SDSL: variants seen among roughly 807,000 people sequenced by gnomAD.
The protein encoded by SDSL is serine dehydratase-like.
Under a neutral mutation model 27.6 loss-of-function variants are expected in SDSL, and 26 were observed. The observed-to-expected ratio is 0.94, with a 90% CI of 0.69 to 1.31. SDSL has a LOEUF of 1.31. SDSL is among the 50% of genes most tolerant of loss of function. SDSL has a pLI of 0.00. For synonymous variants in SDSL, 196 were observed against 180.6 expected (o/e 1.09, Z -0.69); for missense variants, 431 against 423.5 (o/e 1.02, Z -0.16).
chr12:113,436,352 G>C (rs150708149), intron 6 of SDSL, among the ~76,000 whole-genome samples: 2,276 of 151,420 alleles, frequency 0.015, 57 homozygotes, highest in African/African-American at 0.053. Flanking sequence ...GCAATGGCGC[G>C]ATCTCAGCTC....
intron 1 of SDSL, chr12:113,425,548 G>C (rs1018975590): frequency 2.4e-6 from 1 of 411,344 alleles, no homozygotes; most frequent in Non-Finnish European, 4.8e-6. Context: ...GAATGGTGGG[G>C]ACCGGCCCAG....
chr12:113,429,207 A>T lies in SDSL; in HGVS notation c.262A>T (p.Ile88Phe). 1 of 1,613,882 alleles carries T rather than the reference A, an allele frequency of 6.2e-7. No individual in the cohort carries two copies. Among genetic ancestry groups the T allele is most frequent in the Non-Finnish European group, 8.5e-7 (1 of 1,179,890 alleles). ...AAAYAARKLG[I>F]PATIVLPEST... Reference sequence around the variant, plus strand: ...TGCCTATGCTGCTAGGAAGCTGGGCATTCCTGCCACCATCGTGCTCCCCGA... The same window carrying T: ...TGCCTATGCTGCTAGGAAGCTGGGCTTTCCTGCCACCATCGTGCTCCCCGA... The change falls in exon 4 of 8, where the codon ATT becomes TTT. Residue 88 changes from isoleucine (I) to phenylalanine (F), a missense_variant. By Grantham distance (21) the Ile-to-Phe change is conservative (BLOSUM62 0). Transcript: ENST00000403593.
rs1426903827 is a variant in SDSL, at chr12:113,437,575, A to T, written c.797-311A>T. ...AAATGATGGATAGAGGAATGGATGG[A>T]TGGCTATGAATGGGTGGATGGATGG... On this transcript the variant is annotated intron_variant, in intron 7 of 7. Coordinates refer to ENST00000403593, the MANE Select transcript of SDSL (RefSeq NM_001304993.2). Among the ~76,000 whole-genome samples, 3 of 152,130 alleles carry T rather than the reference A, an allele frequency of 2.0e-5. No individual in the cohort carries two copies. In the East Asian group the frequency reaches 5.8e-4, roughly 29 times the overall value.
chr12:113,423,719 G>C (rs1325359361), intron 1 of SDSL, among the ~76,000 whole-genome samples: 3 of 152,118 alleles, frequency 2.0e-5, no homozygotes, highest in Non-Finnish European at 2.9e-5. Context: ...TCCAGCCCAG[G>C]CAACAGAGTG....
intron 6 of SDSL, among the ~76,000 whole-genome samples, chr12:113,436,494 G>T (rs538658469): frequency 6.6e-6 from 1 of 152,142 alleles, no homozygotes; most frequent in Non-Finnish European, 1.5e-5. Context: ...CACCATGTTG[G>T]TCAGGCTGGT....
chr12:113,438,123 C>A lies in SDSL; in HGVS notation c.*44C>A. ...CAAAGACCCCTGAGAGGCCCATGGA[C>A]AGTCCTGTGTCTGGATGAGGAGGAC... On this transcript the variant is annotated 3_prime_UTR_variant, in exon 8 of 8. Transcript: ENST00000403593. The A allele has an allele frequency of 6.6e-7, 1 of 1,523,914 alleles. No individual in the cohort carries two copies. Among genetic ancestry groups the A allele is most frequent in the Non-Finnish European group, 9.0e-7 (1 of 1,113,116 alleles). 94.4% of individuals were successfully genotyped at this position (1,523,914 alleles called of 1,614,324 possible). A position where few individuals can be genotyped will look rare whatever the true frequency, so the allele number is the denominator to read the frequency against.
chr12:113,436,145 C>T (rs534846602), intron 6 of SDSL, among the ~76,000 whole-genome samples: 5 of 152,074 alleles, frequency 3.3e-5, no homozygotes, highest in Non-Finnish European at 5.9e-5. Flanking sequence ...CCAAACCCCC[C>T]AAAAGCCAAT....
chr12:113,423,849 A>G (rs1331085239), intron 1 of SDSL, among the ~76,000 whole-genome samples: 1 of 152,082 alleles, frequency 6.6e-6, no homozygotes, highest in Non-Finnish European at 1.5e-5. Flanking sequence ...TTTCACCAAA[A>G]AGGAAGAGAG....
chr12:113,430,727 G>T (rs544104670), intron 4 of SDSL, among the ~76,000 whole-genome samples: 97 of 152,310 alleles, frequency 6.4e-4, no homozygotes, highest in Non-Finnish European at 1.2e-3. Flanking sequence ...ACCCACTCTA[G>T]TGAGAAGAAC....
At chr12:113,424,155 TG>T (rs1957822273) in intron 1 of SDSL, among the ~76,000 whole-genome samples, 3 of 152,124 alleles carry the variant, frequency 2.0e-5, no homozygotes, top group Admixed American at 6.6e-5. Context: ...CCCGAGTAGC[TG>T]GGATTACAGG....
intron 4 of SDSL, among the ~76,000 whole-genome samples, chr12:113,433,054 A>G (rs368709782): frequency 2.2e-3 from 341 of 152,314 alleles, no homozygotes; most frequent in African/African-American, 7.7e-3. Flanking sequence ...GCTGGGTCAA[A>G]TGGTAATTCT....
intron 6 of SDSL, 55 bp from the exon 7 acceptor site, chr12:113,436,696 A>G: frequency 6.7e-7 from 1 of 1,495,174 alleles, no homozygotes; most frequent in Non-Finnish European, 8.9e-7. Context: ...GACCTGTTTC[A>G]CCAGCTCTTC....
chr12:113,434,349 C>G, intron 5 of SDSL, 127 bp downstream of exon 5: 1 of 680,582 alleles, frequency 1.5e-6, no homozygotes, highest in East Asian at 2.7e-5. Flanking sequence ...GCCAGGCAGA[C>G]ATGGGTTCAG....
At chr12:113,423,831 T>C (rs1443592885) in intron 1 of SDSL, among the ~76,000 whole-genome samples, 1 of 151,608 alleles carries the variant, frequency 6.6e-6, no homozygotes, top group Non-Finnish European at 1.5e-5. Flanking sequence ...AGGGGAAAAA[T>C]CTGGGGATTT....
rs1431109797 is a variant in SDSL at position 113,437,952 on chromosome 12, T to C, written c.863T>C (p.Leu288Pro). 1.9e-6 allele frequency: 3 copies of C among 1,614,010 alleles called. No homozygotes were observed. The South Asian group carries it at 3.3e-5, about 18-fold the overall frequency. ...AALAAIYSGLLRRLQAEGCLP... is the reference protein window; with the variant it reads ...AALAAIYSGLPRRLQAEGCLP... ...TTAGCAGCCATCTACTCAGGCCTCC[T>C]GCGGAGGCTCCAGGCCGAGGGCTGC... The change falls in exon 8 of 8, where the codon CTG becomes CCG. Residue 288 changes from leucine to proline, a missense_variant. Transcript: ENST00000403593.
chr12:113,436,589 AG>A (rs34277245), intron 6 of SDSL, among the ~76,000 whole-genome samples, 161 bp from the exon 7 acceptor site: 1 of 152,082 alleles, frequency 6.6e-6, no homozygotes, highest in African/African-American at 2.4e-5. Context: ...GCGCCCGGCA[AG>A]GACACACTAT....
intron 4 of SDSL, among the ~76,000 whole-genome samples, chr12:113,433,288 C>T (rs1957956167): frequency 6.6e-6 from 1 of 152,204 alleles, no homozygotes; most frequent in Non-Finnish European, 1.5e-5. Flanking sequence ...TGCAGAGTCC[C>T]TGAGGATGAG....
intron 4 of SDSL, among the ~76,000 whole-genome samples, chr12:113,433,609 G>A (rs1193111618): frequency 1.3e-5 from 2 of 152,224 alleles, no homozygotes; most frequent in African/African-American, 4.8e-5. Context: ...CAGAGGCCAA[G>A]CCAGTGAGAA....
chr12:113,437,864 C>A, intron 7 of SDSL, 22 bp from the exon 8 acceptor site: 1 of 1,571,190 alleles, frequency 6.4e-7, no homozygotes. Flanking sequence ...TCCTTCCTCT[C>A]TCCATCCCCC....
Sources: allele counts gnomAD v4.1 joint callset (sites outside exome capture counted in the v4.1 genomes callset), GRCh38; gene constraint gnomAD v4.1.1; transcripts MANE v1.5; gene names NCBI Gene and HGNC (gene_info 2026-07-23, HGNC 2026-07-21).